SPPL2A: variants seen among roughly 807,000 people sequenced by gnomAD.
SPPL2A encodes the protein signal peptide peptidase like 2A, also known as signal peptide peptidase-like 2A.
In SPPL2A, 51 loss-of-function variants were observed where a neutral mutation model predicts 63.8. The observed-to-expected ratio is 0.80, with a 90% CI of 0.64 to 1.01. The LOEUF (loss-of-function observed/expected upper bound fraction) is 1.01. SPPL2A is among the 50% of genes least tolerant of loss of function. The pLI, the probability that SPPL2A is intolerant of heterozygous loss-of-function variation, is 0.00. For synonymous variants in SPPL2A, 188 were observed against 205.8 expected (o/e 0.91, Z 0.74); for missense variants, 553 against 622.7 (o/e 0.89, Z 1.19).
chr15:50,732,513 T>C (rs1022911306), intron 9 of SPPL2A, 90 bp downstream of exon 9: 10 of 718,790 alleles, frequency 1.4e-5, no homozygotes, highest in Non-Finnish European at 1.9e-5. Context: ...CGCCAAAAAT[T>C]GGCGCATTTA....
At position 50,747,569 on chromosome 15, in the gene SPPL2A, A is replaced by G; in HGVS notation, c.510T>C (p.Tyr170=). The change falls in exon 5 of 15, where the codon TAT becomes TAC. Residue 170 remains tyrosine (Y), a synonymous_variant. Transcript: ENST00000261854. ...MYSPSWPNFD[Y]TMVVIFVIAV... ...CAATTACAAAAATAACCACCATAGT[A>G]TAATCAAAGTTAGGCCACGATGGAG... The G allele has an allele frequency of 1.2e-6, 2 of 1,610,748 alleles. No individual in the cohort carries two copies. Among genetic ancestry groups the G allele is most frequent in the Non-Finnish European group, 1.7e-6 (2 of 1,177,000 alleles).
intron 8 of SPPL2A, among the ~76,000 whole-genome samples, chr15:50,732,924 G>C (rs1221442278): frequency 6.6e-6 from 1 of 151,870 alleles, no homozygotes; most frequent in East Asian, 1.9e-4. Flanking sequence ...AAGTAGCTGG[G>C]ACTAAAGGCA....
intron 14 of SPPL2A, among the ~76,000 whole-genome samples, chr15:50,716,463 G>A (rs1305758521): frequency 6.6e-6 from 1 of 152,114 alleles, no homozygotes; most frequent in Non-Finnish European, 1.5e-5. Flanking sequence ...CCAAACTGCT[G>A]GGATTACAGG....
chr15:50,718,752 C>A (rs2062619914), intron 14 of SPPL2A, among the ~76,000 whole-genome samples: 1 of 151,992 alleles, frequency 6.6e-6, no homozygotes, highest in Admixed American at 6.6e-5. Context: ...ATGTGTTAAC[C>A]ACCTCTCATT....
chr15:50,753,521 T>G (rs907879293), intron 1 of SPPL2A, among the ~76,000 whole-genome samples: 1 of 152,238 alleles, frequency 6.6e-6, no homozygotes, highest in African/African-American at 2.4e-5. Flanking sequence ...TTACTGGTTA[T>G]GTTACAAGTT....
In SPPL2A at chr15:50,737,317, T is replaced by C. The variant is rs201112021; in HGVS notation, c.734-577A>G. 7.9e-5 allele frequency among the ~76,000 whole-genome samples: 12 copies of C among 152,306 alleles called. No individual in the cohort carries two copies. In the East Asian group the frequency reaches 2.3e-3, roughly 29 times the overall value. On this transcript the variant is annotated intron_variant, in intron 6 of 14. Transcript: ENST00000261854. ...CTCTTTTTTCTATCAATGACTACTATAAACTAAGAGTTGATAACAGAAATT... is the reference window on the plus strand; with the variant it reads ...CTCTTTTTTCTATCAATGACTACTACAAACTAAGAGTTGATAACAGAAATT...
At position 50,736,467 on chromosome 15, in the gene SPPL2A, C is replaced by A. The variant is rs183561233; in HGVS notation, c.830+177G>T. On this transcript the variant is annotated intron_variant, in intron 7 of 14. Transcript: ENST00000261854. ...TGGCTATTGAGCACTTGAAATGTGG[C>A]TAATAAGAATGAAAAACTCAATTTT... Among the ~76,000 whole-genome samples, 3 of 152,158 alleles carry A rather than the reference C, an allele frequency of 2.0e-5. No individual in the cohort carries two copies. The East Asian group carries it at 5.8e-4, about 29-fold the overall frequency.
rs1279522778 is a variant in SPPL2A at position 50,722,139 on chromosome 15, C to T, written c.1312G>A (p.Val438Ile). 6.3e-7 allele frequency: 1 copy of T among 1,580,574 alleles called. No individual in the cohort carries two copies. Among genetic ancestry groups the T allele is most frequent in the South Asian group, 1.1e-5 (1 of 90,428 alleles). Residue 438 changes from valine (V) to isoleucine (I), a missense_variant, in exon 13 of 15, where the codon GTT becomes ATT. By Grantham distance (29) the Val-to-Ile change is conservative (BLOSUM62 3). Coordinates refer to ENST00000261854, the MANE Select transcript of SPPL2A (RefSeq NM_032802.4). ...VQTGSSYIYYVSSTVAYAIGM... is the reference protein window; with the variant it reads ...VQTGSSYIYYISSTVAYAIGM... ...AAAAATTTACCAACTGTAGACGAAA[C>T]ATAGTATATGTAAGAAGAACCAGTC...
Position 50,722,259 on chromosome 15 carries a change from T to C in SPPL2A, c.1250-58A>G, listed in dbSNP as rs2141026995. The C allele has an allele frequency of 8.5e-6, 8 of 938,694 alleles. No homozygotes were observed. In the Admixed American group the frequency reaches 1.2e-4, roughly 14 times the overall value. The allele number at this position is 938,694 out of a possible 1,614,324, so 58.1% of individuals were successfully genotyped here. A position where few individuals can be genotyped will look rare whatever the true frequency, so the allele number is the denominator to read the frequency against. ...AACAATAACAGCAATGCAAATTCAA[T>C]TGTTAACAATAGTAAGTATATGTTA... On this transcript the variant is annotated intron_variant, in intron 12 of 14. Transcript: ENST00000261854.
At chr15:50,720,214 T>C (rs1285118875) in intron 13 of SPPL2A, 114 bp from the exon 14 acceptor site, 5 of 752,048 alleles carry the variant, frequency 6.6e-6, no homozygotes, top group African/African-American at 1.8e-5. Context: ...TTTTGCTCTA[T>C]GACTTCTTGT....
chr15:50,747,559 C>T lies in SPPL2A; in HGVS notation c.520G>A (p.Val174Ile). 1 of 1,610,794 alleles carries T rather than the reference C, an allele frequency of 6.2e-7. No homozygotes were observed. Among genetic ancestry groups the T allele is most frequent in the Non-Finnish European group, 8.5e-7 (1 of 1,177,220 alleles). Residue 174 changes from valine (V) to isoleucine (I), a missense_variant, in exon 5 of 15, where the codon GTT (valine) becomes ATT (isoleucine). Physicochemically the swap from Val to Ile is conservative, Grantham distance 29. Transcript: ENST00000261854. Reference sequence around the variant, plus strand: ...GTGAACACCGCAATTACAAAAATAACCACCATAGTATAATCAAAGTTAGGC... The same window carrying T: ...GTGAACACCGCAATTACAAAAATAATCACCATAGTATAATCAAAGTTAGGC... The part of the protein sequence containing the change: ...SWPNFDYTMV[V>I]IFVIAVFTVA...
chr15:50,741,276 C>T lies in SPPL2A; in HGVS notation c.585-1448G>A, dbSNP rs1401429084. ...CCCTCCTGGGCAAATCCTGGCCCTG[C>T]TTGTTAGGTCTGGGCTCAATATAAA... On this transcript the variant is annotated intron_variant, in intron 5 of 14. Coordinates refer to ENST00000261854, the MANE Select transcript of SPPL2A (RefSeq NM_032802.4). 2.0e-5 allele frequency among the ~76,000 whole-genome samples: 3 copies of T among 151,142 alleles called. No individual in the cohort carries two copies. In the East Asian group the frequency reaches 5.8e-4, roughly 29 times the overall value.
intron 1 of SPPL2A, among the ~76,000 whole-genome samples, chr15:50,760,405 C>T (rs918109020): frequency 6.6e-6 from 1 of 152,092 alleles, no homozygotes; most frequent in Non-Finnish European, 1.5e-5. Context: ...GGGTTACAGG[C>T]ACCCACCACC....
rs1482092512 is a variant in SPPL2A at position 50,703,342 on chromosome 15, ATATACATATATATATTTTT to A, written c.*4439_*4457del. On this transcript the variant is annotated 3_prime_UTR_variant, in exon 15 of 15. Coordinates refer to ENST00000261854, the MANE Select transcript of SPPL2A (RefSeq NM_032802.4). ...CATATATACATATATATATATATATATATACATATATATATTTTTTTTTTTTTTTTTTTTTTTTGAGATG... is the reference window on the plus strand; with the variant it reads ...CATATATACATATATATATATATATATTTTTTTTTTTTTTTTTTTGAGATG... The A allele has an allele frequency of 6.4e-4, 55 of 85,342 alleles. No homozygotes were observed. The highest frequency in any genetic ancestry group is 2.2e-3 in the African/African-American group (52 of 23,798). 5.3% of individuals were successfully genotyped at this position (85,342 alleles called of 1,614,324 possible). A position where few individuals can be genotyped will look rare whatever the true frequency, so the allele number is the denominator to read the frequency against.
At chr15:50,724,402 C>T (rs2062670545) in intron 12 of SPPL2A, among the ~76,000 whole-genome samples, 1 of 152,054 alleles carries the variant, frequency 6.6e-6, no homozygotes, top group African/African-American at 2.4e-5. Flanking sequence ...CGGTGAAACC[C>T]AGTCTTTACT....
At chr15:50,734,135 G>T (rs536557617) in intron 8 of SPPL2A, among the ~76,000 whole-genome samples, 104 of 152,132 alleles carry the variant, frequency 6.8e-4, no homozygotes, top group Non-Finnish European at 1.2e-3. Flanking sequence ...CAGCAATCCC[G>T]CCATTGGATA....
chr15:50,745,006 G>C (rs1388937802), intron 5 of SPPL2A, among the ~76,000 whole-genome samples: 1 of 152,186 alleles, frequency 6.6e-6, no homozygotes, highest in Non-Finnish European at 1.5e-5. Context: ...TTGGAGAAAA[G>C]GGAAGCATAT....
chr15:50,708,579 G>A (rs1016813436), intron 14 of SPPL2A, among the ~76,000 whole-genome samples: 3 of 151,422 alleles, frequency 2.0e-5, no homozygotes, highest in Non-Finnish European at 4.4e-5. Flanking sequence ...AGTGGCGGGC[G>A]CCTGTAGTTC....
intron 1 of SPPL2A, among the ~76,000 whole-genome samples, chr15:50,760,357 T>C (rs1296122347): frequency 6.6e-6 from 1 of 152,114 alleles, no homozygotes; most frequent in African/African-American, 2.4e-5. Flanking sequence ...GCCTCCTGGG[T>C]TCCAGTGATT....
Sources: gnomAD v4.1 joint callset for allele counts (sites outside exome capture counted in the v4.1 genomes callset) on GRCh38, gnomAD v4.1.1 for gene constraint, MANE v1.5 for transcripts, NCBI Gene and HGNC (gene_info 2026-07-23, HGNC 2026-07-21) for gene names.